Variants in CFAP298 observed in about 807,000 individuals in gnomAD.
The protein encoded by CFAP298 is cilia and flagella associated protein 298.
CFAP298 carries 38 observed loss-of-function variants against 41.0 expected under a neutral mutation model. That is an observed-to-expected ratio of 0.93 (90% CI 0.72 to 1.22). CFAP298 has a LOEUF of 1.22. Among genes scored for constraint, CFAP298 ranks in the 50% most tolerant of loss-of-function variants. The probability of loss-of-function intolerance (pLI) is 0.00; values close to 1 mark genes in which losing one functional copy is unlikely to be tolerated. For missense variants in CFAP298, 348 were observed against 360.3 expected, an observed-to-expected ratio of 0.97 and a Z score of 0.28; for synonymous variants, 137 against 135.3, an observed-to-expected ratio of 1.01 and a Z score of -0.09.
In CFAP298 at chr21:32,602,012, G is replaced by A. The variant is rs16989559; in HGVS notation, c.763-39C>T. 105,761 of 1,308,542 alleles carry A rather than the reference G, an allele frequency of 0.081. 5,742 individuals carry two copies. The highest frequency in any genetic ancestry group is 0.25 in the African/African-American group (17,161 of 69,024). 81.1% of individuals were successfully genotyped at this position (1,308,542 alleles called of 1,614,324 possible). On this transcript the variant is annotated intron_variant, in intron 6 of 6. Transcript: ENST00000290155. ...TGTTTTATTCAGGCAGGCATTTCAG[G>A]AAAGTGTTTTGCACATAAAGAGACT...
At chr21:32,608,103 T>G (rs911131867) in intron 2 of CFAP298, among the ~76,000 whole-genome samples, 2 of 151,752 alleles carry the variant, frequency 1.3e-5, no homozygotes, top group Non-Finnish European at 2.9e-5. Context: ...CTTAAATAAC[T>G]GGGGTAGCTG....
At chr21:32,608,870 AAAATG>A (rs536010179) in intron 2 of CFAP298, among the ~76,000 whole-genome samples, 3 of 152,332 alleles carry the variant, frequency 2.0e-5, no homozygotes, top group Admixed American at 6.5e-5. Flanking sequence ...GATATTTAAA[AAAATG>A]TATTTTTGAG....
At chr21:32,603,023 A>G in intron 5 of CFAP298, 138 bp downstream of exon 5, 1 of 1,202,504 alleles carries the variant, frequency 8.3e-7, no homozygotes, top group East Asian at 2.4e-5. Flanking sequence ...GGAAGAGGAT[A>G]TTTTTAGTTT....
intron 3 of CFAP298, among the ~76,000 whole-genome samples, chr21:32,605,873 G>A (rs1050575015): frequency 8.5e-5 from 13 of 152,296 alleles, no homozygotes; most frequent in African/African-American, 2.6e-4. Context: ...GTGTCAGAAC[G>A]GAATTGAATT....
chr21:32,604,428 T>C (rs1457534861), intron 3 of CFAP298, 145 bp from the exon 4 acceptor site: 4 of 872,756 alleles, frequency 4.6e-6, no homozygotes, highest in Non-Finnish European at 7.1e-6. Context: ...GACTACCATC[T>C]ATTTCAGGGG....
intron 1 of CFAP298, among the ~76,000 whole-genome samples, chr21:32,610,655 T>A (rs1425848820): frequency 6.6e-6 from 1 of 152,232 alleles, no homozygotes; most frequent in Non-Finnish European, 1.5e-5. Flanking sequence ...ATGCTTTAAC[T>A]TAAAAATAAC....
chr21:32,612,101 G>T lies in CFAP298; in HGVS notation c.139+4C>A. On this transcript the variant is annotated splice_donor_region_variant and intron_variant, in intron 1 of 6. Coordinates refer to ENST00000290155, the MANE Select transcript of CFAP298 (RefSeq NM_021254.4). ...TCCGGGATGGGCCCACCCGCGAGCC[G>T]CACCTGAGCAGAGGCGCTGCACCTT... 2 of 1,548,046 alleles carry T rather than the reference G, an allele frequency of 1.3e-6. No homozygotes were observed. Among genetic ancestry groups the T allele is most frequent in the Non-Finnish European group, 8.7e-7 (1 of 1,146,526 alleles).
At chr21:32,610,062 T>A in intron 1 of CFAP298, 57 bp from the exon 2 acceptor site, 2 of 1,478,384 alleles carry the variant, frequency 1.4e-6, no homozygotes, top group Admixed American at 1.9e-5. Context: ...CCCATTGGAA[T>A]GTAAGCTCCA....
At position 32,612,255 on chromosome 21, in the gene CFAP298, C is replaced by T. The variant is rs1422643117; in HGVS notation, c.-12G>A. ...TGCAGCAGAACCATGGCGGTCCCGCCGAGGTACTGAGGCGTTGAGAAGGCC... is the reference window on the plus strand; with the variant it reads ...TGCAGCAGAACCATGGCGGTCCCGCTGAGGTACTGAGGCGTTGAGAAGGCC... On this transcript the variant is annotated 5_prime_UTR_variant, in exon 1 of 7. Transcript: ENST00000290155. 8 of 1,595,346 alleles carry T rather than the reference C, an allele frequency of 5.0e-6. No individual in the cohort carries two copies. The highest frequency in any genetic ancestry group is 6.0e-6 in the Non-Finnish European group (7 of 1,169,192).
rs79380292 is a variant in CFAP298 at position 32,601,784 on chromosome 21, CTTT to C, written c.*76_*78del. ...TCTTTTACAGAGGGCAGTAAGTGGC[CTTT>C]TTTTTTTTTTTAAATTATAATTGCC... On this transcript the variant is annotated 3_prime_UTR_variant, in exon 7 of 7. Coordinates refer to ENST00000290155, the MANE Select transcript of CFAP298 (RefSeq NM_021254.4). The C allele has an allele frequency of 9.5e-5, 58 of 610,514 alleles. No homozygotes were observed. The highest frequency in any genetic ancestry group is 2.3e-4 in the South Asian group (11 of 48,208). 37.8% of individuals were successfully genotyped at this position (610,514 alleles called of 1,614,324 possible).
rs2038727433 is a variant in CFAP298 at position 32,601,159 on chromosome 21, G to A, written c.*704C>T. ...AGCTTCCAATAGATCTAGAGGGCCA[G>A]GAGAAAAAGCATGCTGAGTGCCTGG... On this transcript the variant is annotated 3_prime_UTR_variant, in exon 7 of 7. Coordinates refer to ENST00000290155, the MANE Select transcript of CFAP298 (RefSeq NM_021254.4). Among the ~76,000 whole-genome samples, 1 of 152,134 alleles carries A rather than the reference G, an allele frequency of 6.6e-6. No individual in the cohort carries two copies. The highest frequency in any genetic ancestry group is 2.1e-4 in the South Asian group (1 of 4,830).
intron 1 of CFAP298, among the ~76,000 whole-genome samples, chr21:32,611,679 G>A (rs1395960930): frequency 1.3e-5 from 2 of 152,104 alleles, no homozygotes; most frequent in Admixed American, 1.3e-4. Context: ...GTAAGGGGCC[G>A]TCCCAAAGCC....
chr21:32,610,257 C>A (rs948696228), intron 1 of CFAP298, among the ~76,000 whole-genome samples: 1 of 152,078 alleles, frequency 6.6e-6, no homozygotes, highest in Middle Eastern at 3.2e-3. Flanking sequence ...AGTGCAGTGG[C>A]GCGATCTCAG....
rs1314605687 is a variant in CFAP298 at position 32,601,204 on chromosome 21, G to A, written c.*659C>T. On this transcript the variant is annotated 3_prime_UTR_variant, in exon 7 of 7. Coordinates refer to ENST00000290155, the MANE Select transcript of CFAP298 (RefSeq NM_021254.4). ...GCCTGGCGGCATCTAGTGGTCACTA[G>A]TGGTCACTGCCAGTCATCAGCTTTC... 6.6e-6 allele frequency among the ~76,000 whole-genome samples: 1 copy of A among 151,608 alleles called. No individual in the cohort carries two copies. Among genetic ancestry groups the A allele is most frequent in the Non-Finnish European group, 1.5e-5 (1 of 67,958 alleles).
Position 32,604,129 on chromosome 21 carries a change from G to A in CFAP298, c.530C>T (p.Thr177Ile). The A allele has an allele frequency of 6.2e-7, 1 of 1,613,610 alleles. No homozygotes were observed. Among genetic ancestry groups the A allele is most frequent in the Non-Finnish European group, 8.5e-7 (1 of 1,179,886 alleles). The change falls in exon 4 of 7, where the codon ACA becomes ATA. Residue 177 changes from threonine (T) to isoleucine (I), a missense_variant. Coordinates refer to ENST00000290155, the MANE Select transcript of CFAP298 (RefSeq NM_021254.4). The part of the protein sequence containing the change: ...EFENKEDLSG[T>I]QAGLNVIKEA... ...ACCCACTCACAAACTACGTACCTGT[G>A]TTCCCGACAAGTCTTCCTTATTTTC...
intron 3 of CFAP298, among the ~76,000 whole-genome samples, chr21:32,607,040 T>G (rs1183520245): frequency 6.6e-6 from 1 of 152,198 alleles, no homozygotes; most frequent in East Asian, 1.9e-4. Context: ...CTTTGTTAAG[T>G]TCTTCAAAAA....
chr21:32,607,025 C>G (rs894173951), intron 3 of CFAP298, among the ~76,000 whole-genome samples: 1 of 152,206 alleles, frequency 6.6e-6, no homozygotes, highest in Non-Finnish European at 1.5e-5. Flanking sequence ...ATCTCCCCTA[C>G]TTAACTTTGT....
rs1474781328 is a variant in CFAP298, at chr21:32,600,430, A to G, written c.*1433T>C. Among the ~76,000 whole-genome samples, 1 of 152,188 alleles carries G rather than the reference A, an allele frequency of 6.6e-6. No individual in the cohort carries two copies. Among genetic ancestry groups the G allele is most frequent in the African/African-American group, 2.4e-5 (1 of 41,456 alleles). ...ACTCACTCCCAGGGTTCCTCTTTGC[A>G]GGATGGTGGGGAGCGCAGGCACCAA... On this transcript the variant is annotated 3_prime_UTR_variant, in exon 7 of 7. Transcript: ENST00000290155.
At chr21:32,611,986 T>A in intron 1 of CFAP298, 119 bp downstream of exon 1, 1 of 1,207,604 alleles carries the variant, frequency 8.3e-7, no homozygotes, top group Non-Finnish European at 1.1e-6. Flanking sequence ...CAACCCCGGC[T>A]GCTGCAAATC....
Sources: gnomAD v4.1 joint callset for allele counts (sites outside exome capture counted in the v4.1 genomes callset) on GRCh38, gnomAD v4.1.1 for gene constraint, MANE v1.5 for transcripts, NCBI Gene and HGNC (gene_info 2026-07-23, HGNC 2026-07-21) for gene names.